Variants in CPNE4 observed in about 807,000 individuals in gnomAD.
The protein encoded by CPNE4 is copine 4.
CPNE4 carries 25 observed loss-of-function variants against 67.9 expected under a neutral mutation model. The observed-to-expected ratio is 0.37, with a 90% CI of 0.27 to 0.51. CPNE4 has a LOEUF of 0.51. Among genes scored for constraint, CPNE4 ranks in the 20% least tolerant of loss-of-function variants. The pLI is 0.93. For missense variants in CPNE4, 464 were observed against 690.8 expected (o/e 0.67, Z 3.68); for synonymous variants, 242 against 244.9 (o/e 0.99, Z 0.11).
intron 2 of CPNE4, among the ~76,000 whole-genome samples, chr3:131,899,672 C>T (rs369608985): frequency 2.6e-4 from 39 of 152,070 alleles, no homozygotes; most frequent in East Asian, 9.7e-4. Flanking sequence ...ATAGAATATA[C>T]GTAAATTAAC....
chr3:131,572,962 C>G (rs370650441), intron 10 of CPNE4, among the ~76,000 whole-genome samples: 1 of 151,996 alleles, frequency 6.6e-6, no homozygotes, highest in Non-Finnish European at 1.5e-5. Flanking sequence ...AAATAAGACA[C>G]GATACTTTTT....
At chr3:132,002,189 T>C (rs1218569457) in intron 1 of CPNE4, among the ~76,000 whole-genome samples, 2 of 152,128 alleles carry the variant, frequency 1.3e-5, no homozygotes, top group Non-Finnish European at 2.9e-5. Flanking sequence ...GCCCCATTTA[T>C]CATCTCAATA....
At chr3:131,552,064 G>T (rs1307641977) in intron 13 of CPNE4, among the ~76,000 whole-genome samples, 1 of 124,790 alleles carries the variant, frequency 8.0e-6, no homozygotes, top group Admixed American at 8.3e-5. Context: ...ATGAAGTTGT[G>T]AAAAAAAAAA....
At chr3:131,982,709 AGATT>A (rs1441971592) in intron 1 of CPNE4, among the ~76,000 whole-genome samples, 3 of 152,196 alleles carry the variant, frequency 2.0e-5, no homozygotes, top group Non-Finnish European at 4.4e-5. Context: ...AGAAAGATCA[AGATT>A]TATTTTATTA....
At chr3:132,012,630 C>T (rs551290079) in intron 1 of CPNE4, among the ~76,000 whole-genome samples, 1 of 152,222 alleles carries the variant, frequency 6.6e-6, no homozygotes, top group East Asian at 1.9e-4. Context: ...TAGAAATTAG[C>T]AGGTAAGATG....
intron 1 of CPNE4, among the ~76,000 whole-genome samples, chr3:131,986,863 C>CAAAA (rs1560740701): frequency 3.0e-5 from 2 of 66,138 alleles, no homozygotes; most frequent in African/African-American, 1.3e-4. Context: ...CAAAAACAAA[C>CAAAA]AAACAAAAAA....
chr3:132,005,968 A>T (rs1228054636), intron 1 of CPNE4, among the ~76,000 whole-genome samples: 1 of 152,150 alleles, frequency 6.6e-6, no homozygotes, highest in East Asian at 1.9e-4. Context: ...GGTTATTAAC[A>T]TCTCTGAGCT....
intron 2 of CPNE4, among the ~76,000 whole-genome samples, chr3:131,847,928 CTGT>C: frequency 6.6e-6 from 1 of 152,278 alleles, no homozygotes; most frequent in Middle Eastern, 3.4e-3. Flanking sequence ...CTCAGTGCAA[CTGT>C]GGCTCTGCAC....
At chr3:131,844,599 A>T (rs1216770814) in intron 2 of CPNE4, among the ~76,000 whole-genome samples, 1 of 152,098 alleles carries the variant, frequency 6.6e-6, no homozygotes, top group Non-Finnish European at 1.5e-5. Context: ...ACTTCTTTCA[A>T]GTCCAGTGTG....
At chr3:132,010,611 A>T (rs936840041) in intron 1 of CPNE4, among the ~76,000 whole-genome samples, 4 of 152,060 alleles carry the variant, frequency 2.6e-5, no homozygotes, top group African/African-American at 9.7e-5. Flanking sequence ...GCCAGGCATA[A>T]CCCCAGTGAT....
chr3:131,899,017 G>C (rs1057495562), intron 2 of CPNE4, among the ~76,000 whole-genome samples: 2 of 152,016 alleles, frequency 1.3e-5, no homozygotes, highest in African/African-American at 4.8e-5. Context: ...TCCAAACCTT[G>C]CAAGTCAACA....
At chr3:131,890,376 A>G (rs1334671542) in intron 2 of CPNE4, among the ~76,000 whole-genome samples, 1 of 151,950 alleles carries the variant, frequency 6.6e-6, no homozygotes, top group Non-Finnish European at 1.5e-5. Context: ...AAAAATTAAA[A>G]TCACAATGAG....
At chr3:131,547,770 C>T (rs1007804587) in intron 14 of CPNE4, among the ~76,000 whole-genome samples, 21 of 152,184 alleles carry the variant, frequency 1.4e-4, no homozygotes, top group East Asian at 5.8e-4. Context: ...GTCAAACCAC[C>T]GGTTAGTGAT....
At chr3:131,931,421 A>G (rs568586763) in intron 1 of CPNE4, among the ~76,000 whole-genome samples, 18 of 152,280 alleles carry the variant, frequency 1.2e-4, no homozygotes, top group African/African-American at 3.6e-4. Flanking sequence ...TCCATAAGAG[A>G]ACAACATTCA....
chr3:132,032,298 T>A (rs1376639420), intron 1 of CPNE4, among the ~76,000 whole-genome samples: 4 of 152,154 alleles, frequency 2.6e-5, no homozygotes, highest in Admixed American at 2.6e-4. Flanking sequence ...TCTGGGAGAA[T>A]AAAAATAAGG....
intron 7 of CPNE4, among the ~76,000 whole-genome samples, chr3:131,618,639 T>C (rs7614686): frequency 0.13 from 20,492 of 152,040 alleles, 1,972 homozygotes; most frequent in African/African-American, 0.27. Context: ...TTTGTTCTGA[T>C]CTCCCAGAAA....
chr3:131,928,694 A>T (rs1056701342), intron 1 of CPNE4, among the ~76,000 whole-genome samples: 4 of 152,222 alleles, frequency 2.6e-5, no homozygotes, highest in African/African-American at 9.6e-5. Context: ...CATGCTTGTT[A>T]GAGCAAACAT....
intron 7 of CPNE4, among the ~76,000 whole-genome samples, chr3:131,602,299 G>C (rs1939251240): frequency 6.6e-6 from 1 of 152,136 alleles, no homozygotes; most frequent in African/African-American, 2.4e-5. Context: ...CATCCATAGA[G>C]AGAAAACAAC....
chr3:131,736,988 T>C lies in CPNE4; in HGVS notation c.181-13363A>G, dbSNP rs1450229361. ...CATTATGGAAATTACCCTAAGACTG[T>C]CACAAGATAATTTCTTTATTAGAAG... On this transcript the variant is annotated intron_variant, in intron 2 of 15. Transcript: ENST00000429747. 4.6e-5 allele frequency among the ~76,000 whole-genome samples: 7 copies of C among 152,142 alleles called. No homozygotes were observed. The East Asian group carries it at 1.3e-3, about 29-fold the overall frequency.
Sources: gnomAD v4.1 joint callset for allele counts (sites outside exome capture counted in the v4.1 genomes callset) on GRCh38, gnomAD v4.1.1 for gene constraint, MANE v1.5 for transcripts, NCBI Gene and HGNC (gene_info 2026-07-23, HGNC 2026-07-21) for gene names.